The following JCAD variants were observed in gnomAD, a reference collection of about 807,000 sequenced individuals.
JCAD encodes the protein junctional cadherin 5 associated.
JCAD carries 40 observed loss-of-function variants against 98.0 expected under a neutral mutation model. That is an observed-to-expected ratio of 0.41 (90% CI 0.32 to 0.53). JCAD has a LOEUF of 0.53. Ranked by LOEUF, JCAD falls within the 20% of genes least tolerant of loss-of-function variation. JCAD has a pLI of 0.31. For synonymous variants in JCAD, 691 were observed against 682.3 expected, an observed-to-expected ratio of 1.01 and a Z score of -0.20; for missense variants, 1,705 against 1,738.1, an observed-to-expected ratio of 0.98 and a Z score of 0.34.
intron 1 of JCAD, among the ~76,000 whole-genome samples, chr10:30,093,000 C>G (rs1189876062): frequency 6.6e-6 from 1 of 151,916 alleles, no homozygotes; most frequent in East Asian, 1.9e-4. Context: ...TCTAAGTAGG[C>G]CATGGGTTTT....
In JCAD at chr10:30,112,539, C is replaced by G. The variant is rs1281447214; in HGVS notation, n.128+2828G>C. The stretch of plus-strand genomic sequence containing the variant: ...AAATTACAATGCTAAGTGAAATAAG[C>G]CAGACACAAAAAGTCACATAATGTA... On this transcript the variant is annotated intron_variant and non_coding_transcript_variant, in intron 1 of 2. Coordinates refer to the JCAD transcript ENST00000465712. 5.9e-5 allele frequency among the ~76,000 whole-genome samples: 9 copies of G among 151,884 alleles called. 1 individual carries two copies.
intron 2 of JCAD, among the ~76,000 whole-genome samples, chr10:30,033,685 A>G (rs1837049568): frequency 4.6e-5 from 7 of 152,148 alleles, no homozygotes; most frequent in Admixed American, 4.6e-4. Flanking sequence ...TCTGCTTTTC[A>G]GCTGGTGGCA....
At chr10:30,098,243 G>C (rs532361995) in intron 1 of JCAD, among the ~76,000 whole-genome samples, 4 of 152,052 alleles carry the variant, frequency 2.6e-5, no homozygotes, top group Non-Finnish European at 5.9e-5. Context: ...TAGGCTGATC[G>C]TCCTTCTGCT....
At chr10:30,100,643 C>A (rs1405926558) in intron 1 of JCAD, among the ~76,000 whole-genome samples, 1 of 152,190 alleles carries the variant, frequency 6.6e-6, no homozygotes, top group Non-Finnish European at 1.5e-5. Flanking sequence ...CTCGGCCTCC[C>A]AAAGTGCTGG....
chr10:30,104,824 G>A (rs1485338736), intron 1 of JCAD, among the ~76,000 whole-genome samples: 2 of 152,136 alleles, frequency 1.3e-5, no homozygotes, highest in Non-Finnish European at 2.9e-5. Context: ...AATGAACTGT[G>A]TTTTACAATT....
chr10:30,113,024 T>G (rs1042765950), intron 1 of JCAD, among the ~76,000 whole-genome samples: 1 of 152,192 alleles, frequency 6.6e-6, no homozygotes, highest in African/African-American at 2.4e-5. Context: ...TGGCAATGGT[T>G]GCATGACATC....
Position 30,029,703 on chromosome 10 carries a change from C to T in JCAD, c.445G>A (p.Val149Met), listed in dbSNP as rs530416888. 3.5e-5 allele frequency: 56 copies of T among 1,614,258 alleles called. No homozygotes were observed. Among genetic ancestry groups the T allele is most frequent in the South Asian group, 1.9e-4 (17 of 91,088 alleles). ...CCAACTTCCCATGGACCCTCCCTCA[C>T]GTGGACAGGCAGGCTGTGGGCTTGG... ...MAQAHSLPVHVREGPWEVGGR... is the reference protein window; with the variant it reads ...MAQAHSLPVHMREGPWEVGGR... The change falls in exon 3 of 4, where the codon GTG becomes ATG. Residue 149 changes from valine to methionine, a missense_variant. Around this residue, in one of 3 missense-constraint regions of JCAD, gnomAD observed 275 missense variants for 346.9 expected, o/e 0.79. Coordinates refer to ENST00000375377, the MANE Select transcript of JCAD (RefSeq NM_020848.4).
chr10:30,048,688 C>T (rs1837407375), intron 1 of JCAD, among the ~76,000 whole-genome samples: 2 of 152,102 alleles, frequency 1.3e-5, no homozygotes, highest in South Asian at 4.1e-4. Context: ...GCCTCAGCCT[C>T]TCGAGTTGCT....
intron 2 of JCAD, among the ~76,000 whole-genome samples, chr10:30,031,422 T>C (rs1000919096): frequency 3.0e-4 from 45 of 150,502 alleles, no homozygotes; most frequent in African/African-American, 1.1e-3. Context: ...TGAAGCACCA[T>C]GCCTGGCCCA....
chr10:30,019,320 G>A (rs1836607097), intron 3 of JCAD, among the ~76,000 whole-genome samples: 1 of 142,842 alleles, frequency 7.0e-6, no homozygotes, highest in Non-Finnish European at 1.5e-5. Context: ...TGGCGCCATT[G>A]CACTCCAGCC....
rs115261453 is a variant in JCAD at position 30,043,012 on chromosome 10, T to A, written c.281+4520A>T. Among the ~76,000 whole-genome samples, 412 of 152,358 alleles carry A rather than the reference T, an allele frequency of 2.7e-3. 1 individual carries two copies. The highest frequency in any genetic ancestry group is 9.5e-3 in the African/African-American group (397 of 41,582). On this transcript the variant is annotated intron_variant, in intron 2 of 3. Transcript: ENST00000375377. The stretch of plus-strand genomic sequence containing the variant: ...ACATGTAGCTTCAAAAAACAATTAC[T>A]GTCTACTCATCAATTTAGATAAACT...
rs1224161801 is a variant in JCAD, at chr10:30,086,055, T to A, written n.129-16234A>T. 3.9e-5 allele frequency among the ~76,000 whole-genome samples: 6 copies of A among 152,310 alleles called. No individual in the cohort carries two copies. In the East Asian group the frequency reaches 7.7e-4, roughly 20 times the overall value. ...TCATTGGAAAATGGGAAATTTAGAC[T>A]TTTGTCAGCATTAAACTATCACCAA... On this transcript the variant is annotated intron_variant and non_coding_transcript_variant, in intron 1 of 2. Coordinates refer to the JCAD transcript ENST00000465712.
At chr10:30,110,500 ATATGGACTAGCTGATG>A (rs1288477499) in intron 1 of JCAD, among the ~76,000 whole-genome samples, 3 of 147,680 alleles carry the variant, frequency 2.0e-5, no homozygotes, top group Non-Finnish European at 4.5e-5. Flanking sequence ...CCTCCCCGAT[ATATGGACTAGCTGATG>A]TATGGACTCC....
At chr10:30,030,456 C>T (rs1226504889) in intron 2 of JCAD, among the ~76,000 whole-genome samples, 4 of 152,082 alleles carry the variant, frequency 2.6e-5, no homozygotes, top group African/African-American at 9.7e-5. Context: ...AAAAAAAATG[C>T]CCAAGGGAAC....
Position 30,029,077 on chromosome 10 carries a change from G to A in JCAD, c.1071C>T (p.Tyr357=). ...RSPPQNIPNP[Y]LEDTVPINVC... is the part of the protein sequence containing the mutation. Reference sequence around the variant, plus strand: ...CATTTATGGGCACCGTGTCTTCCAAGTAGGGGTTTGGGATGTTCTGCGGGG... The same window carrying A: ...CATTTATGGGCACCGTGTCTTCCAAATAGGGGTTTGGGATGTTCTGCGGGG... The change falls in exon 3 of 4, where the codon TAC becomes TAT. Residue 357 remains tyrosine, a synonymous_variant. Transcript: ENST00000375377. 2 of 1,614,170 alleles carry A rather than the reference G, an allele frequency of 1.2e-6. No homozygotes were observed. The highest frequency in any genetic ancestry group is 1.1e-5 in the South Asian group (1 of 91,080).
chr10:30,063,408 G>GA (rs534887505), upstream of JCAD, among the ~76,000 whole-genome samples: 1 of 151,598 alleles, frequency 6.6e-6, no homozygotes, highest in African/African-American at 2.4e-5. Context: ...CTTAAAGAAA[G>GA]AAAAAAAATA....
At position 30,014,667 on chromosome 10, in the gene JCAD, G is replaced by C. The variant is rs1226773250; in HGVS notation, c.*3216C>G. 1 of 152,118 alleles carries C rather than the reference G, an allele frequency of 6.6e-6. No individual in the cohort carries two copies. Among genetic ancestry groups the C allele is most frequent in the Non-Finnish European group, 1.5e-5 (1 of 68,020 alleles). 9.4% of individuals were successfully genotyped at this position (152,118 alleles called of 1,614,324 possible). ...AGATCAGCTTCATCCTTTTTCTTCAGAAGCCCCAAACCGAGATGCTGTCAG... is the reference window on the plus strand; with the variant it reads ...AGATCAGCTTCATCCTTTTTCTTCACAAGCCCCAAACCGAGATGCTGTCAG... On this transcript the variant is annotated 3_prime_UTR_variant, in exon 4 of 4. Transcript: ENST00000375377.
chr10:30,025,523 G>GA (rs1268701785), intron 3 of JCAD, among the ~76,000 whole-genome samples: 4 of 95,130 alleles, frequency 4.2e-5, no homozygotes, highest in African/African-American at 9.7e-5. Context: ...GTCTCAAAAA[G>GA]AAAAAAATGG....
rs1836845504 is a variant in JCAD, at chr10:30,027,378, G to A, written c.2770C>T (p.His924Tyr). The A allele has an allele frequency of 1.2e-6, 2 of 1,608,678 alleles. No homozygotes were observed. Among genetic ancestry groups the A allele is most frequent in the East Asian group, 2.2e-5 (1 of 44,868 alleles). Reference sequence around the variant, plus strand: ...GGGGATGGAGGCCAGGCACGTGGGTGGCCAGGCTGCAGCTCCTCACTCCAG... The same window carrying A: ...GGGGATGGAGGCCAGGCACGTGGGTAGCCAGGCTGCAGCTCCTCACTCCAG... ...ESWSEELQPG[H>Y]PRAWPPSPGR... The change falls in exon 3 of 4, where the codon CAC becomes TAC. Residue 924 changes from histidine (H) to tyrosine (Y), a missense_variant. Around this residue, in one of 3 missense-constraint regions of JCAD, gnomAD observed 1,278 missense variants for 1,243.1 expected, o/e 1.03. Transcript: ENST00000375377.
Sources: allele counts gnomAD v4.1 joint callset (sites outside exome capture counted in the v4.1 genomes callset), GRCh38; gene constraint gnomAD v4.1.1; regional missense constraint gnomAD v4.1.1; transcripts MANE v1.5; gene names NCBI Gene and HGNC (gene_info 2026-07-23, HGNC 2026-07-21).